The following GAL3ST2 variants were observed in gnomAD, a reference collection of about 807,000 sequenced individuals.
The protein encoded by GAL3ST2 is galactose-3-O-sulfotransferase 2, also known as beta-galactose-3-O-sulfotransferase 2.
In GAL3ST2, 16 loss-of-function variants were observed where a neutral mutation model predicts 12.9. That is an observed-to-expected ratio of 1.24 (90% confidence interval 0.84 to 1.88). GAL3ST2 has a LOEUF of 1.88. Among genes scored for constraint, GAL3ST2 ranks in the 40% most tolerant of loss-of-function variants. The pLI, the probability that GAL3ST2 is intolerant of heterozygous loss-of-function variation, is 0.00. For missense variants in GAL3ST2, 639 were observed against 571.8 expected (o/e 1.12, Z -1.20); for synonymous variants, 302 against 273.9 (o/e 1.10, Z -1.01).
chr2:241,778,593 G>T (rs771107230), intron 1 of GAL3ST2, among the ~76,000 whole-genome samples: 1 of 152,170 alleles, frequency 6.6e-6, no homozygotes, highest in Admixed American at 6.5e-5. Context: ...TCACCATGCC[G>T]GTGTGAACCC....
At chr2:241,778,279 G>A (rs1377681431) in intron 1 of GAL3ST2, among the ~76,000 whole-genome samples, 2 of 152,354 alleles carry the variant, frequency 1.3e-5, no homozygotes, top group East Asian at 3.9e-4. Flanking sequence ...TGGGGACAAA[G>A]GGGACGGTAG....
intron 1 of GAL3ST2, among the ~76,000 whole-genome samples, chr2:241,794,960 C>T (rs1020461478): frequency 1.3e-5 from 2 of 152,194 alleles, no homozygotes; most frequent in Admixed American, 1.3e-4. Flanking sequence ...GCAATTCACA[C>T]ACTAAAGAAT....
chr2:241,777,016 C>T (rs1559410871), intron 1 of GAL3ST2, 32 bp downstream of exon 1: 2 of 1,468,072 alleles, frequency 1.4e-6, no homozygotes, highest in Non-Finnish European at 9.1e-7. Flanking sequence ...CCCAGGTGGA[C>T]AAAGCGCTTC....
Position 241,793,609 on chromosome 2 carries a change from G to C in GAL3ST2, c.30-5456G>C, listed in dbSNP as rs2125193988. On this transcript the variant is annotated intron_variant, in intron 1 of 3. Coordinates refer to ENST00000192314, the MANE Select transcript of GAL3ST2 (RefSeq NM_022134.3). This position sits in a 1 kb window ranked among gnomAD's most constrained non-coding sequence, Gnocchi z 4.7. ...TGTATGTATATGTGTATATGTGTGT[G>C]TATTGTGTGTGTACATATTGTGTTT... 1.5e-5 allele frequency among the ~76,000 whole-genome samples: 2 copies of C among 135,718 alleles called. No individual in the cohort carries two copies. The highest frequency in any genetic ancestry group is 4.5e-4 in the South Asian group (2 of 4,476). The allele number at this position is 135,718 out of a possible 152,430, so 89.0% of individuals were successfully genotyped here.
rs898937847 is a variant in GAL3ST2, at chr2:241,795,392, T to C, written c.30-3673T>C. Among the ~76,000 whole-genome samples the C allele has an allele frequency of 2.0e-5, 3 of 152,100 alleles. No homozygotes were observed. Among genetic ancestry groups the C allele is most frequent in the Admixed American group, 6.5e-5 (1 of 15,280 alleles). ...GCAAGGCCAAGGGGGGTATTGTAAG[T>C]GTGAAAGCAGCATCTCAAACAGATG... On this transcript the variant is annotated intron_variant, in intron 1 of 3. Transcript: ENST00000192314. This position sits in a 1 kb window ranked among gnomAD's most constrained non-coding sequence, Gnocchi z 4.5.
Position 241,801,337 on chromosome 2 carries a change from CACA to C in GAL3ST2, c.120-443_120-441del. ...ACAGTATTCCGTGGTGTAGATGTGCCACATTTTCTTTACGGTCTCTATGTAACA... is the reference window on the plus strand; with the variant it reads ...ACAGTATTCCGTGGTGTAGATGTGCCTTTTCTTTACGGTCTCTATGTAACA... On this transcript the variant is annotated intron_variant, in intron 2 of 3. Coordinates refer to ENST00000192314, the MANE Select transcript of GAL3ST2 (RefSeq NM_022134.3). This position sits in a 1 kb window ranked among gnomAD's most constrained non-coding sequence, Gnocchi z 4.4. 2 of 165,032 alleles carry C rather than the reference CACA, an allele frequency of 1.2e-5. No homozygotes were observed. The highest frequency in any genetic ancestry group is 2.6e-5 in the Non-Finnish European group (2 of 77,362). The allele number at this position is 165,032 out of a possible 1,614,324, so 10.2% of individuals were successfully genotyped here.
chr2:241,794,338 C>T (rs986394170), intron 1 of GAL3ST2, among the ~76,000 whole-genome samples: 7 of 152,350 alleles, frequency 4.6e-5, no homozygotes, highest in Admixed American at 2.6e-4. Context: ...AACTGCTGTC[C>T]TGCAGGCGCT....
chr2:241,779,061 T>C (rs1699529540), intron 1 of GAL3ST2, among the ~76,000 whole-genome samples: 1 of 151,586 alleles, frequency 6.6e-6, no homozygotes, highest in South Asian at 2.1e-4. Context: ...TCTTTTCCTT[T>C]CACATTTCCC....
At chr2:241,779,548 T>C (rs1022148689) in intron 1 of GAL3ST2, among the ~76,000 whole-genome samples, 3 of 151,556 alleles carry the variant, frequency 2.0e-5, no homozygotes, top group Non-Finnish European at 4.4e-5. Context: ...AAGTTCATTT[T>C]TTAGCAGGTT....
Position 241,803,369 on chromosome 2 carries a change from A to G in GAL3ST2, c.400A>G (p.Thr134Ala). 6.2e-7 allele frequency: 1 copy of G among 1,604,156 alleles called. No homozygotes were observed. Among genetic ancestry groups the G allele is most frequent in the East Asian group, 2.2e-5 (1 of 44,586 alleles). ...GGTGCAGAAAGTCATGCCCAACGACACCTTCTACTTCTCCATCCTGAGGAA... is the reference window on the plus strand; with the variant it reads ...GGTGCAGAAAGTCATGCCCAACGACGCCTTCTACTTCTCCATCCTGAGGAA... ...PQVQKVMPND[T>A]FYFSILRNPV... Residue 134 changes from threonine (T) to alanine (A), a missense_variant, in exon 4 of 4, where the codon ACC becomes GCC. Physicochemically the swap from Thr to Ala is moderately conservative, Grantham distance 58 (BLOSUM62 0). Transcript: ENST00000192314.
chr2:241,800,467 G>A lies in GAL3ST2; in HGVS notation c.119+1313G>A, dbSNP rs577253058. Among the ~76,000 whole-genome samples the A allele has an allele frequency of 2.0e-5, 3 of 152,190 alleles. No individual in the cohort carries two copies. The highest frequency in any genetic ancestry group is 2.9e-5 in the Non-Finnish European group (2 of 68,034). On this transcript the variant is annotated intron_variant, in intron 2 of 3. Coordinates refer to ENST00000192314, the MANE Select transcript of GAL3ST2 (RefSeq NM_022134.3). The surrounding 1 kb of genome is among the most constrained non-coding windows in gnomAD (Gnocchi z 5.2). ...ATTCATGAAGGGGGTCCTGACGCAC[G>A]TGTCCTGAACAAACAGGTGTGTTAC...
Position 241,804,091 on chromosome 2 carries a change from C to G in GAL3ST2, c.1122C>G (p.Leu374=), listed in dbSNP as rs1373895479. Residue 374 remains leucine, a synonymous_variant, in exon 4 of 4, where the codon CTC becomes CTG. Coordinates refer to ENST00000192314, the MANE Select transcript of GAL3ST2 (RefSeq NM_022134.3). Reference sequence around the variant, plus strand: ...GCCAGAGGCTTGTGATGCCTGAGCTCCAGTACATGGCCCGCCTGTACGCCC... The same window carrying G: ...GCCAGAGGCTTGTGATGCCTGAGCTGCAGTACATGGCCCGCCTGTACGCCC... ...GVCQRLVMPE[L]QYMARLYALQ... is the part of the protein sequence containing the mutation. The G allele has an allele frequency of 9.1e-6, 14 of 1,535,620 alleles. No homozygotes were observed. Among genetic ancestry groups the G allele is most frequent in the Non-Finnish European group, 1.1e-5 (13 of 1,141,330 alleles).
chr2:241,795,684 T>C lies in GAL3ST2; in HGVS notation c.30-3381T>C, dbSNP rs906147061. 2.0e-5 allele frequency among the ~76,000 whole-genome samples: 3 copies of C among 152,242 alleles called. No homozygotes were observed. Among genetic ancestry groups the C allele is most frequent in the African/African-American group, 7.2e-5 (3 of 41,474 alleles). On this transcript the variant is annotated intron_variant, in intron 1 of 3. Coordinates refer to ENST00000192314, the MANE Select transcript of GAL3ST2 (RefSeq NM_022134.3). The surrounding 1 kb of genome is among the most constrained non-coding windows in gnomAD (Gnocchi z 4.5). ...TGGGAAGTCCGCAGAAGTGGCCCAA[T>C]GGCAGAGCAGGAGCTCCGCTCTCAG... is the stretch of plus-strand genomic sequence containing the variant.
intron 1 of GAL3ST2, 113 bp from the exon 2 acceptor site, chr2:241,798,952 G>A (rs1699808867): frequency 2.5e-6 from 2 of 813,018 alleles, no homozygotes; most frequent in East Asian, 2.5e-5. Flanking sequence ...TTACAGAGGT[G>A]AGGGGAGGCC....
rs113020148 is a variant in GAL3ST2, at chr2:241,784,313, G to A, written c.29+7329G>A. 6.7e-3 allele frequency among the ~76,000 whole-genome samples: 1,024 copies of A among 152,232 alleles called. 23 individuals carry two copies. Among genetic ancestry groups the A allele is most frequent in the African/African-American group, 0.023 (952 of 41,526 alleles). ...CTCCCAAAGTGCTGGGATTACAGGC[G>A]TGAGCCACCATGCCCGGCCTAAAGT... On this transcript the variant is annotated intron_variant, in intron 1 of 3. Coordinates refer to ENST00000192314, the MANE Select transcript of GAL3ST2 (RefSeq NM_022134.3).
rs148122401 is a variant in GAL3ST2, at chr2:241,803,395, C to T, written c.426C>T (p.Asn142=). ...CCTTCTACTTCTCCATCCTGAGGAA[C>T]CCCGTGTTCCAGCTGGAGTCCTCCT... is the stretch of plus-strand genomic sequence containing the variant. ...NDTFYFSILR[N]PVFQLESSFI... The change falls in exon 4 of 4, where the codon AAC becomes AAT. Residue 142 remains asparagine (N), a synonymous_variant. Coordinates refer to ENST00000192314, the MANE Select transcript of GAL3ST2 (RefSeq NM_022134.3). 2 of 1,612,526 alleles carry T rather than the reference C, an allele frequency of 1.2e-6. No individual in the cohort carries two copies. Among genetic ancestry groups the T allele is most frequent in the Non-Finnish European group, 1.7e-6 (2 of 1,179,302 alleles).
chr2:241,800,335 C>G lies in GAL3ST2; in HGVS notation c.119+1181C>G, dbSNP rs113491545. Among the ~76,000 whole-genome samples, 1 of 150,510 alleles carries G rather than the reference C, an allele frequency of 6.6e-6. No homozygotes were observed. The highest frequency in any genetic ancestry group is 1.5e-5 in the Non-Finnish European group (1 of 67,718). On this transcript the variant is annotated intron_variant, in intron 2 of 3. Transcript: ENST00000192314. This position sits in a 1 kb window ranked among gnomAD's most constrained non-coding sequence, Gnocchi z 5.2. ...CGACCCAGGCTGGGAGCACAGCCGCCGACCCAGGCTGGGAGCGGGCACTTC... is the reference window on the plus strand; with the variant it reads ...CGACCCAGGCTGGGAGCACAGCCGCGGACCCAGGCTGGGAGCGGGCACTTC...
At chr2:241,777,544 G>A (rs1301052118) in intron 1 of GAL3ST2, among the ~76,000 whole-genome samples, 2 of 152,158 alleles carry the variant, frequency 1.3e-5, no homozygotes, top group East Asian at 1.9e-4. Context: ...GATGCCTTGC[G>A]TTTTCCTTCT....
chr2:241,803,882 G>T lies in GAL3ST2; in HGVS notation c.913G>T (p.Gly305Trp), dbSNP rs753837152. 6.3e-6 allele frequency: 9 copies of T among 1,422,374 alleles called. No individual in the cohort carries two copies. The East Asian group carries it at 2.1e-4, about 33-fold the overall frequency. The allele number at this position is 1,422,374 out of a possible 1,614,324, so 88.1% of individuals were successfully genotyped here. A position where few individuals can be genotyped will look rare whatever the true frequency, so the allele number is the denominator to read the frequency against. ...RAELGPRRLR[G>W]EVERLRARRR... Reference sequence around the variant, plus strand: ...CGAGCTGGGGCCGCGGCGGCTGCGCGGGGAGGTGGAGCGGCTGCGCGCCCG... The same window carrying T: ...CGAGCTGGGGCCGCGGCGGCTGCGCTGGGAGGTGGAGCGGCTGCGCGCCCG... The change falls in exon 4 of 4, where the codon GGG (glycine) becomes TGG (tryptophan). Residue 305 changes from glycine (G) to tryptophan (W), a missense_variant. Gly to Trp is a radical substitution (Grantham distance 184). Transcript: ENST00000192314.
Sources: allele counts gnomAD v4.1 joint callset (sites outside exome capture counted in the v4.1 genomes callset), GRCh38; gene constraint gnomAD v4.1.1; non-coding constraint Gnocchi (gnomAD v3.1); transcripts MANE v1.5; gene names NCBI Gene and HGNC (gene_info 2026-07-23, HGNC 2026-07-21).